NBAS: variants seen among roughly 807,000 people sequenced by gnomAD.
NBAS encodes NAG/BC035112 fusion.
Under a neutral mutation model 302.5 loss-of-function variants are expected in NBAS, and 219 were observed. The observed-to-expected ratio is 0.72, with a 90% CI of 0.65 to 0.81. The LOEUF (loss-of-function observed/expected upper bound fraction) is 0.81, where lower values mean the gene tolerates loss of function less well. Ranked by LOEUF, NBAS falls within the 30% of genes least tolerant of loss-of-function variation. The pLI is 0.00. For missense variants in NBAS, 2,932 were observed against 2,841.6 expected (o/e 1.03, Z -0.72); for synonymous variants, 1,118 against 1,021.6 (o/e 1.09, Z -1.80).
the NBAS span, among the ~76,000 whole-genome samples, chr2:14,885,952 G>A: frequency 6.6e-6 from 1 of 152,192 alleles, no homozygotes; most frequent in Non-Finnish European, 1.5e-5. Flanking sequence ...GGGTAAATGG[G>A]AGGCAAAGAA....
chr2:14,821,643 A>G, the NBAS span, among the ~76,000 whole-genome samples: 1 of 152,158 alleles, frequency 6.6e-6, no homozygotes, highest in Non-Finnish European at 1.5e-5. Flanking sequence ...CAAGAAGAGA[A>G]CATTACTTGA....
chr2:15,522,973 C>T (rs1662747467), intron 9 of NBAS, among the ~76,000 whole-genome samples: 1 of 152,150 alleles, frequency 6.6e-6, no homozygotes, highest in South Asian at 2.1e-4. Context: ...TTTATCAATA[C>T]TGTATGTTTA....
the NBAS span, among the ~76,000 whole-genome samples, chr2:15,066,329 A>G: frequency 6.6e-6 from 1 of 152,242 alleles, no homozygotes; most frequent in Non-Finnish European, 1.5e-5. Context: ...TGGATTTGAC[A>G]CCAAATGCAT....
chr2:15,494,199 TTTTTA>T (rs1680980010), intron 11 of NBAS, among the ~76,000 whole-genome samples: 1 of 152,250 alleles, frequency 6.6e-6, no homozygotes, highest in South Asian at 2.1e-4. Context: ...ATGAATGTCA[TTTTTA>T]TTTTAATCAT....
intron 38 of NBAS, among the ~76,000 whole-genome samples, chr2:15,319,210 G>GACACAATGT (rs1671667971): frequency 6.6e-6 from 1 of 152,188 alleles, no homozygotes; most frequent in Non-Finnish European, 1.5e-5. Context: ...TGAGAACAAA[G>GACACAATGT]ACACAATGTA....
At chr2:15,072,921 G>A in the NBAS span, among the ~76,000 whole-genome samples, 2 of 152,162 alleles carry the variant, frequency 1.3e-5, no homozygotes, top group South Asian at 4.1e-4. Flanking sequence ...TTCGAGCTCA[G>A]GAGTTCGAGA....
intron 9 of NBAS, among the ~76,000 whole-genome samples, chr2:15,515,691 T>A (rs192617494): frequency 1.3e-5 from 2 of 152,194 alleles, no homozygotes; most frequent in East Asian, 3.9e-4. Flanking sequence ...ACACGCTCCA[T>A]CATCATCACA....
At chr2:15,304,556 G>A (rs1479559017) in intron 40 of NBAS, among the ~76,000 whole-genome samples, 1 of 152,226 alleles carries the variant, frequency 6.6e-6, no homozygotes, top group Non-Finnish European at 1.5e-5. Flanking sequence ...ACAGAAAGAT[G>A]TGGAAGGGTT....
At chr2:14,949,650 T>C in the NBAS span, among the ~76,000 whole-genome samples, 3 of 152,168 alleles carry the variant, frequency 2.0e-5, no homozygotes, top group Non-Finnish European at 1.5e-5. Flanking sequence ...ATGTGATATA[T>C]ATGCATACAT....
intron 29 of NBAS, 69 bp from the exon 30 acceptor site, chr2:15,379,900 C>A (rs1674950107): frequency 1.4e-6 from 2 of 1,440,572 alleles, no homozygotes; most frequent in Non-Finnish European, 1.9e-6. Context: ...AATGAAGGCT[C>A]TGAAATCCAA....
At position 15,201,389 on chromosome 2, in the gene NBAS, A is replaced by T. The variant is rs77478843; in HGVS notation, c.6433-10986T>A. On this transcript the variant is annotated intron_variant, in intron 48 of 51. Transcript: ENST00000281513. Reference sequence around the variant, plus strand: ...GCCTGTTAAAGCCACTTCTTTGATAAGGTTTCAGGTGGCCAATAATGCCTG... The same window carrying T: ...GCCTGTTAAAGCCACTTCTTTGATATGGTTTCAGGTGGCCAATAATGCCTG... Among the ~76,000 whole-genome samples the T allele has an allele frequency of 6.8e-3, 1,031 of 152,326 alleles. 10 individuals are homozygous for T. The highest frequency in any genetic ancestry group is 0.023 in the African/African-American group (965 of 41,570).
chr2:15,187,772 G>T (rs1007035041), intron 49 of NBAS, among the ~76,000 whole-genome samples: 1 of 152,160 alleles, frequency 6.6e-6, no homozygotes, highest in African/African-American at 2.4e-5. Flanking sequence ...TCTAGACATT[G>T]AACAACCAGG....
the NBAS span, among the ~76,000 whole-genome samples, chr2:14,885,285 T>A: frequency 6.6e-6 from 1 of 152,088 alleles, no homozygotes; most frequent in Non-Finnish European, 1.5e-5. Context: ...GAGTTTGAGA[T>A]ATATATTTTA....
At chr2:15,136,553 GTGTGAA>G in the NBAS span, among the ~76,000 whole-genome samples, 1 of 152,194 alleles carries the variant, frequency 6.6e-6, no homozygotes, top group African/African-American at 2.4e-5. Flanking sequence ...TGGTGTTTTG[GTGTGAA>G]TGTTTGTGTC....
chr2:15,099,035 C>T, the NBAS span, among the ~76,000 whole-genome samples: 3 of 151,874 alleles, frequency 2.0e-5, no homozygotes, highest in African/African-American at 7.3e-5. Context: ...GGTCGGGGAC[C>T]ATGGCTCACG....
Position 15,394,471 on chromosome 2 carries a change from C to T in NBAS, c.3135-122G>A, listed in dbSNP as rs1333702056. 3.1e-6 allele frequency: 3 copies of T among 967,214 alleles called. No homozygotes were observed. In the South Asian group the frequency reaches 4.6e-5, roughly 15 times the overall value. 59.9% of individuals were successfully genotyped at this position (967,214 alleles called of 1,614,324 possible). On this transcript the variant is annotated intron_variant, in intron 27 of 51. Transcript: ENST00000281513. ...AAAAAAAATTATCCCATAGTGTAAT[C>T]CAATTTTACATATAACGTTGATTCT...
the NBAS span, among the ~76,000 whole-genome samples, chr2:14,899,349 C>A: frequency 4.2e-5 from 6 of 143,948 alleles, no homozygotes; most frequent in Non-Finnish European, 9.5e-5. Flanking sequence ...GCACACAGAA[C>A]CTTTTCACTA....
At chr2:15,504,320 A>C (rs982516024) in intron 10 of NBAS, 107 bp from the exon 11 acceptor site, 2 of 946,260 alleles carry the variant, frequency 2.1e-6, no homozygotes, top group African/African-American at 3.3e-5. Context: ...GTATTTTTTT[A>C]ATTGATTAAA....
At chr2:14,864,882 A>C in the NBAS span, among the ~76,000 whole-genome samples, 2 of 152,220 alleles carry the variant, frequency 1.3e-5, no homozygotes, top group Non-Finnish European at 1.5e-5. Context: ...AAATGCTCAA[A>C]AAGTGTTAGC....
Sources: allele counts gnomAD v4.1 joint callset (sites outside exome capture counted in the v4.1 genomes callset), GRCh38; gene constraint gnomAD v4.1.1; transcripts MANE v1.5; gene names NCBI Gene and HGNC (gene_info 2026-07-23, HGNC 2026-07-21).